Variants in CLTRN observed in about 807,000 individuals in gnomAD.
CLTRN encodes collectrin.
In CLTRN, 12 loss-of-function variants were observed where a neutral mutation model predicts 14.5. The ratio of observed to expected loss-of-function variants is 0.83; its 90% CI spans 0.53 to 1.34. CLTRN has a LOEUF of 1.34. Among genes scored for constraint, CLTRN ranks in the 40% most tolerant of loss-of-function variants. The pLI is 0.00. For synonymous variants in CLTRN, 58 were observed against 56.5 expected, an observed-to-expected ratio of 1.03 and a Z score of -0.12; for missense variants, 154 against 165.1, an observed-to-expected ratio of 0.93 and a Z score of 0.37.
intron 4 of CLTRN, among the ~76,000 whole-genome samples, chrX:15,644,653 A>T (rs1366120826): frequency 6.3e-5 from 7 of 111,780 alleles, no homozygotes; most frequent in Non-Finnish European, 1.3e-4. Flanking sequence ...CACCCCCTCC[A>T]GCTGTGACAA....
At chrX:15,633,889 G>A (rs1485721377) in intron 5 of CLTRN, among the ~76,000 whole-genome samples, 1 of 112,127 alleles carries the variant, frequency 8.9e-6, no homozygotes, top group African/African-American at 3.2e-5. Flanking sequence ...TGTTATTTAT[G>A]TTTGTCTCAT....
upstream of CLTRN, among the ~76,000 whole-genome samples, chrX:15,667,979 A>T (rs770819753): frequency 3.6e-5 from 4 of 112,542 alleles, no homozygotes; most frequent in Non-Finnish European, 7.5e-5. Flanking sequence ...AGTCAGTGTA[A>T]GCCATTCATC....
intron 3 of CLTRN, among the ~76,000 whole-genome samples, chrX:15,652,129 T>G (rs974403804): frequency 8.9e-6 from 1 of 112,294 alleles, no homozygotes; most frequent in Non-Finnish European, 1.9e-5. Flanking sequence ...AGTTATAGAT[T>G]ATGTGCAACT....
chrX:15,658,894 A>G, intron 3 of CLTRN, 122 bp downstream of exon 3: 2 of 313,428 alleles, frequency 6.4e-6, no homozygotes, highest in Non-Finnish European at 1.1e-5. Context: ...AAGTTTAATA[A>G]AAGTGTGAAT....
At chrX:15,640,810 G>A (rs1928924288) in intron 4 of CLTRN, among the ~76,000 whole-genome samples, 1 of 112,120 alleles carries the variant, frequency 8.9e-6, no homozygotes, top group Non-Finnish European at 1.9e-5. Context: ...GAGATACAAC[G>A]TGAAATTAAA....
intron 1 of CLTRN, among the ~76,000 whole-genome samples, chrX:15,672,724 T>G (rs1370895589): frequency 9.0e-6 from 1 of 111,558 alleles, no homozygotes; most frequent in Non-Finnish European, 1.9e-5. Flanking sequence ...GAGATCCCTA[T>G]TACTACAAAT....
At chrX:15,666,881 A>T (rs1195900212), upstream of CLTRN, among the ~76,000 whole-genome samples, 1 of 112,637 alleles carries the variant, frequency 8.9e-6, no homozygotes, top group Non-Finnish European at 1.9e-5. Flanking sequence ...GTCAATACAC[A>T]TAGAGATTGT....
At chrX:15,646,342 G>C (rs961656692) in intron 3 of CLTRN, 1 of 264,781 alleles carries the variant, frequency 3.8e-6, no homozygotes, top group African/African-American at 2.9e-5. Context: ...CCTGACCGCA[G>C]ATTTCGGAAA....
At chrX:15,671,784 T>G (rs866251887) in intron 1 of CLTRN, among the ~76,000 whole-genome samples, 11 of 110,582 alleles carry the variant, frequency 9.9e-5, no homozygotes, top group Middle Eastern at 4.2e-3. Context: ...ATTTTAATAA[T>G]AATTTTAGAA....
chrX:15,643,488 A>G (rs1448236987), intron 4 of CLTRN, among the ~76,000 whole-genome samples: 1 of 111,417 alleles, frequency 9.0e-6, no homozygotes, highest in African/African-American at 3.3e-5. Flanking sequence ...CTAAGCACTC[A>G]CTCTTCCTCC....
In CLTRN at chrX:15,664,726, C is replaced by CA. The variant is rs773315151; in HGVS notation, c.49dup (p.Cys17LeufsTer10). ...ATTTCAAGGCTACATACCTGGTTGA[C>CA]AGAGTTCAGCATGAATGGCAGTCAC... On this transcript the variant is annotated frameshift_variant, in exon 1 of 6. Transcript: ENST00000380342. LOFTEE classifies it high-confidence loss of function. The CA allele has an allele frequency of 2.6e-5, 32 of 1,207,850 alleles. No homozygotes were observed. In the Admixed American group the frequency reaches 7.0e-4, roughly 26 times the overall value.
chrX:15,646,462 A>ACCCCCCCCCCCCC (rs111413791), intron 3 of CLTRN: 39 of 177,542 alleles, frequency 2.2e-4, no homozygotes, highest in Non-Finnish European at 2.8e-4. Flanking sequence ...CCGCGCACCC[A>ACCCCCCCCCCCCC]CCCCCCCGCC....
At chrX:15,672,627 G>A (rs191245697) in intron 1 of CLTRN, among the ~76,000 whole-genome samples, 202 of 111,442 alleles carry the variant, frequency 1.8e-3, no homozygotes, top group African/African-American at 6.1e-3. Flanking sequence ...GTTTCGGCCA[G>A]TGATGACCCT....
chrX:15,656,306 C>T (rs979050375), intron 3 of CLTRN, among the ~76,000 whole-genome samples: 3 of 112,292 alleles, frequency 2.7e-5, no homozygotes, highest in African/African-American at 9.7e-5. Flanking sequence ...GGTGACCAAA[C>T]TTGATATAAG....
intron 4 of CLTRN, 23 bp from the exon 5 acceptor site, chrX:15,639,779 A>C: frequency 1.8e-6 from 2 of 1,141,098 alleles, no homozygotes; most frequent in Non-Finnish European, 2.4e-6. Context: ...GATAATTAAA[A>C]ATAAACAAAA....
At chrX:15,668,976 T>C (rs1218417110), upstream of CLTRN, among the ~76,000 whole-genome samples, 1 of 112,028 alleles carries the variant, frequency 8.9e-6, no homozygotes, top group Admixed American at 9.5e-5. Context: ...TTCTAATACG[T>C]GTATTAATTT....
chrX:15,652,471 CAAAAA>C (rs79756100), intron 3 of CLTRN, among the ~76,000 whole-genome samples: 1 of 57,844 alleles, frequency 1.7e-5, no homozygotes, highest in African/African-American at 5.6e-5. Context: ...ACTTTACAGA[CAAAAA>C]AAAAAAAAAG....
At chrX:15,656,591 G>T (rs1010360427) in intron 3 of CLTRN, among the ~76,000 whole-genome samples, 1 of 110,749 alleles carries the variant, frequency 9.0e-6, no homozygotes, top group Non-Finnish European at 1.9e-5. Context: ...ATTTCTGGAA[G>T]GCGGCTACTG....
At chrX:15,651,187 C>T (rs750570772) in intron 3 of CLTRN, among the ~76,000 whole-genome samples, 32 of 111,416 alleles carry the variant, frequency 2.9e-4, no homozygotes, top group East Asian at 8.4e-4. Flanking sequence ...GGTTTAAGAG[C>T]CAGGATGTTA....
Sources: gnomAD v4.1 joint callset for allele counts (sites outside exome capture counted in the v4.1 genomes callset) on GRCh38, gnomAD v4.1.1 for gene constraint, MANE v1.5 for transcripts, NCBI Gene and HGNC (gene_info 2026-07-23, HGNC 2026-07-21) for gene names.